The following PALM3 variants were observed in gnomAD, a reference collection of about 807,000 sequenced individuals.
PALM3 encodes paralemmin 3.
PALM3 carries 20 observed loss-of-function variants against 27.9 expected under a neutral mutation model. The observed-to-expected ratio is 0.72, with a 90% CI of 0.50 to 1.04. PALM3 has a LOEUF of 1.04. PALM3 is among the 50% of genes least tolerant of loss of function. The pLI is 0.00. For synonymous variants in PALM3, 328 were observed against 352.7 expected (o/e 0.93, Z 0.79); for missense variants, 814 against 869.4 (o/e 0.94, Z 0.80).
In PALM3 at chr19:14,060,660, C is replaced by T. The variant is rs192239133; in HGVS notation, c.41+1280G>A. On this transcript the variant is annotated intron_variant, in intron 1 of 6. Transcript: ENST00000669674. The stretch of plus-strand genomic sequence containing the variant: ...CAGATCCAAAATACTGAGAACACAG[C>T]TGGCGAGGGGGGTGGGGGTGCAGGT... Among the ~76,000 whole-genome samples, 15 of 152,210 alleles carry T rather than the reference C, an allele frequency of 9.9e-5. No individual in the cohort carries two copies. In the East Asian group the frequency reaches 1.5e-3, roughly 16 times the overall value.
chr19:14,056,524 G>A lies in PALM3; in HGVS notation c.315-11C>T. 6.4e-7 allele frequency: 1 copy of A among 1,550,700 alleles called. No individual in the cohort carries two copies. The highest frequency in any genetic ancestry group is 1.4e-5 in the African/African-American group (1 of 73,160). On this transcript the variant is annotated splice_polypyrimidine_tract_variant and intron_variant, in intron 4 of 6. Coordinates refer to ENST00000669674, the MANE Select transcript of PALM3 (RefSeq NM_001145028.2). ...AGCTGGGACTGGAGTCTGAAGAAGA[G>A]AGAGGGCTGCTAGGAGCTGGGCCCC...
intron 5 of PALM3, among the ~76,000 whole-genome samples, 171 bp downstream of exon 5, chr19:14,056,258 A>G (rs991703378): frequency 1.3e-5 from 2 of 152,192 alleles, no homozygotes; most frequent in Admixed American, 6.5e-5. Context: ...AGGCTTGGAA[A>G]AGGAAATTGA....
chr19:14,053,508 TC>T lies in PALM3; in HGVS notation c.*96del. 1 of 1,362,776 alleles carries T rather than the reference TC, an allele frequency of 7.3e-7. No individual in the cohort carries two copies. Among genetic ancestry groups the T allele is most frequent in the Non-Finnish European group, 9.6e-7 (1 of 1,040,130 alleles). 84.4% of individuals were successfully genotyped at this position (1,362,776 alleles called of 1,614,324 possible). A position where few individuals can be genotyped will look rare whatever the true frequency, so the allele number is the denominator to read the frequency against. ...GCTGGCTCCCAGGTGCCATGGCCAG[TC>T]CTGTGGTCCCTGTCTGTGCCTGGGA... On this transcript the variant is annotated 3_prime_UTR_variant, in exon 7 of 7. Transcript: ENST00000669674.
At chr19:14,055,816 T>C (rs1224563280) in intron 5 of PALM3, among the ~76,000 whole-genome samples, 2 of 152,166 alleles carry the variant, frequency 1.3e-5, no homozygotes, top group African/African-American at 4.8e-5. Flanking sequence ...AGTGGCGTAA[T>C]CTCGGCTCAC....
chr19:14,057,449 G>T lies in PALM3; in HGVS notation c.91-18C>A. ...CGCTTCTCCTGCGCACAGAGGACCC[G>T]GAGCTGCCCGCCGGCCGGGCGCGGC... is the stretch of plus-strand genomic sequence containing the variant. On this transcript the variant is annotated intron_variant, in intron 2 of 6. Transcript: ENST00000669674. 1 of 1,513,168 alleles carries T rather than the reference G, an allele frequency of 6.6e-7. No individual in the cohort carries two copies. The allele number at this position is 1,513,168 out of a possible 1,614,324, so 93.7% of individuals were successfully genotyped here. A position where few individuals can be genotyped will look rare whatever the true frequency, so the allele number is the denominator to read the frequency against.
Position 14,054,207 on chromosome 19 carries a change from T to C in PALM3, c.1465A>G (p.Lys489Glu), listed in dbSNP as rs867841047. The C allele has an allele frequency of 3.9e-6, 6 of 1,551,768 alleles. No homozygotes were observed. Among genetic ancestry groups the C allele is most frequent in the Middle Eastern group, 1.7e-4 (1 of 5,994 alleles). Residue 489 changes from lysine to glutamate, a missense_variant, in exon 7 of 7, where the codon AAG becomes GAG. Lys to Glu is a moderately conservative substitution (Grantham distance 56, BLOSUM62 1). Coordinates refer to ENST00000669674, the MANE Select transcript of PALM3 (RefSeq NM_001145028.2). ...LRAEKEGDEE[K>E]RGAEEEEVEE... is the part of the protein sequence containing the mutation. ...ACCTCCTCCTCCTCTGCCCCTCGCT[T>C]TTCCTCATCTCCTTCCTTCTCTGCC...
rs868560378 is a variant in PALM3 at position 14,055,218 on chromosome 19, C to T, written c.454G>A (p.Asp152Asn). The change falls in exon 7 of 7, where the codon GAT becomes AAT. Residue 152 changes from aspartate to asparagine, a missense_variant. Coordinates refer to ENST00000669674, the MANE Select transcript of PALM3 (RefSeq NM_001145028.2). ...IVEAGSVGQT[D>N]LNKRASLPAG... ...GGCAGGGAGGCTCTCTTGTTCAGAT[C>T]AGTCTGGCCTGGGGGAGTCAGAGGT... The T allele has an allele frequency of 7.4e-6, 11 of 1,495,920 alleles. No homozygotes were observed. Among genetic ancestry groups the T allele is most frequent in the African/African-American group, 2.0e-5 (1 of 50,264 alleles). 92.7% of individuals were successfully genotyped at this position (1,495,920 alleles called of 1,614,324 possible). A position where few individuals can be genotyped will look rare whatever the true frequency, so the allele number is the denominator to read the frequency against.
chr19:14,053,909 TC>T lies in PALM3; in HGVS notation c.1762del (p.Glu588LysfsTer10). 1.3e-6 allele frequency: 2 copies of T among 1,551,638 alleles called. No individual in the cohort carries two copies. Among genetic ancestry groups the T allele is most frequent in the Non-Finnish European group, 1.7e-6 (2 of 1,146,924 alleles). On this transcript the variant is annotated frameshift_variant, in exon 7 of 7. Coordinates refer to ENST00000669674, the MANE Select transcript of PALM3 (RefSeq NM_001145028.2). LOFTEE classifies it low-confidence loss of function (END_TRUNC). ...EANTETRPEK[E>X]GPQPQEKPVG... Reference sequence around the variant, plus strand: ...TGGCTTCTCCTGGGGCTGGGGTCCTTCCTTCTCTGGCCTTGTCTCCGTGTTA... The same window carrying T: ...TGGCTTCTCCTGGGGCTGGGGTCCTTCTTCTCTGGCCTTGTCTCCGTGTTA...
intron 1 of PALM3, 97 bp from the exon 2 acceptor site, chr19:14,059,260 G>A: frequency 8.4e-7 from 1 of 1,191,554 alleles, no homozygotes; most frequent in Non-Finnish European, 1.1e-6. Context: ...CCCGAGCCCA[G>A]CACTTTGCCT....
At position 14,054,398 on chromosome 19, in the gene PALM3, G is replaced by A. The variant is rs1408853085; in HGVS notation, c.1274C>T (p.Pro425Leu). The A allele has an allele frequency of 6.4e-7, 1 of 1,551,786 alleles. No homozygotes were observed. Among genetic ancestry groups the A allele is most frequent in the Non-Finnish European group, 8.7e-7 (1 of 1,146,930 alleles). ...ESMGIGSEEK[P>L]GTGRDEAEMS... ...CTCCGCTTCATCCCTCCCTGTCCCTGGCTTTTCCTCACTTCCTATTCCCAT... is the reference window on the plus strand; with the variant it reads ...CTCCGCTTCATCCCTCCCTGTCCCTAGCTTTTCCTCACTTCCTATTCCCAT... The change falls in exon 7 of 7, where the codon CCA (proline) becomes CTA (leucine). Residue 425 changes from proline (P) to leucine (L), a missense_variant. Pro to Leu is a moderately conservative substitution (Grantham distance 98). Transcript: ENST00000669674.
chr19:14,059,640 G>A (rs1318853980), intron 1 of PALM3, among the ~76,000 whole-genome samples: 8 of 152,088 alleles, frequency 5.3e-5, no homozygotes, highest in East Asian at 3.9e-4. Context: ...ATGCCACCAG[G>A]CCCCTAACAG....
intron 4 of PALM3, 53 bp downstream of exon 4, chr19:14,056,609 G>C: frequency 6.4e-7 from 1 of 1,551,584 alleles, no homozygotes; most frequent in Non-Finnish European, 8.7e-7. Context: ...CCAGGGTCTC[G>C]ATCTCACCCA....
Position 14,055,481 on chromosome 19 carries a change from C to T in PALM3, c.400-56G>A, listed in dbSNP as rs1326750846. 23 of 1,533,400 alleles carry T rather than the reference C, an allele frequency of 1.5e-5. No individual in the cohort carries two copies. The East Asian group carries it at 5.4e-4, about 36-fold the overall frequency. 95.0% of individuals were successfully genotyped at this position (1,533,400 alleles called of 1,614,324 possible). ...GGCCCTCATCCCCACCTCCAGCCTC[C>T]CTGCATGCTAGGCTCCCACCCCACC... On this transcript the variant is annotated intron_variant, in intron 5 of 6. Coordinates refer to ENST00000669674, the MANE Select transcript of PALM3 (RefSeq NM_001145028.2).
chr19:14,056,767 GC>G lies in PALM3; in HGVS notation c.208del (p.Ala70GlnfsTer79). 6.4e-7 allele frequency: 1 copy of G among 1,551,248 alleles called. No homozygotes were observed. Among genetic ancestry groups the G allele is most frequent in the Non-Finnish European group, 8.7e-7 (1 of 1,146,802 alleles). On this transcript the variant is annotated frameshift_variant, in exon 4 of 7. Coordinates refer to ENST00000669674, the MANE Select transcript of PALM3 (RefSeq NM_001145028.2). LOFTEE classifies it high-confidence loss of function. ...TTCGGATGGCTCTGGCACTGCAGCT[GC>G]CCCATCCATTAGCCAACGTTCCCGG... ...SLRERWLMDGAAAVPEPSEDP... is the reference protein window; with the variant it reads ...SLRERWLMDGXAAVPEPSEDP...
intron 5 of PALM3, 145 bp downstream of exon 5, chr19:14,056,284 G>A (rs1976302955): frequency 1.2e-6 from 1 of 828,730 alleles, no homozygotes; most frequent in African/African-American, 1.7e-5. Flanking sequence ...CAAGACCACA[G>A]AGCAAAGTAA....
intron 1 of PALM3, among the ~76,000 whole-genome samples, chr19:14,060,380 TC>T (rs1976394719): frequency 6.6e-6 from 1 of 151,790 alleles, no homozygotes; most frequent in South Asian, 2.1e-4. Flanking sequence ...CACCTCTGCC[TC>T]CCCCTCCCTG....
chr19:14,057,517 C>A (rs1976329099), intron 2 of PALM3, 86 bp from the exon 3 acceptor site: 2 of 1,126,778 alleles, frequency 1.8e-6, no homozygotes, highest in South Asian at 1.8e-5. Flanking sequence ...CCCTCCTCCG[C>A]GGGGCTCACC....
intron 1 of PALM3, among the ~76,000 whole-genome samples, chr19:14,060,677 G>A (rs1976398546): frequency 6.6e-6 from 1 of 152,060 alleles, no homozygotes; most frequent in Non-Finnish European, 1.5e-5. Context: ...GGGGGGTGGG[G>A]GTGCAGGTCT....
rs1295022551 is a variant in PALM3 at position 14,054,840 on chromosome 19, G to A, written c.832C>T (p.Leu278Phe). Residue 278 changes from leucine (L) to phenylalanine (F), a missense_variant, in exon 7 of 7, where the codon CTC (leucine) becomes TTC (phenylalanine). By Grantham distance (22) the Leu-to-Phe change is conservative. Transcript: ENST00000669674. ...GDRKGAGSLELPAWVKEDRGI... is the reference protein window; with the variant it reads ...GDRKGAGSLEFPAWVKEDRGI... ...CTGTCCTCCTTCACCCAGGCCGGGA[G>A]CTCCAGGCTACCAGCTCCCTTCCTG... The A allele has an allele frequency of 9.0e-6, 14 of 1,548,782 alleles. No individual in the cohort carries two copies. In the Admixed American group the frequency reaches 2.0e-4, roughly 22 times the overall value.
Sources: allele counts gnomAD v4.1 joint callset (sites outside exome capture counted in the v4.1 genomes callset), GRCh38; gene constraint gnomAD v4.1.1; transcripts MANE v1.5; gene names NCBI Gene and HGNC (gene_info 2026-07-23, HGNC 2026-07-21).